Variants in FBXL17 observed in about 807,000 individuals in gnomAD.
FBXL17 encodes the protein F-box and leucine rich repeat protein 17.
In FBXL17, 22 loss-of-function variants were observed where a neutral mutation model predicts 66.2. The ratio of observed to expected loss-of-function variants is 0.33; its 90% CI spans 0.24 to 0.47. The LOEUF is 0.47. Among genes scored for constraint, FBXL17 ranks in the 20% least tolerant of loss-of-function variants. The probability of loss-of-function intolerance (pLI) is 1.00; values close to 1 mark genes in which losing one functional copy is unlikely to be tolerated. For synonymous variants in FBXL17, 474 were observed against 400.5 expected (o/e 1.18, Z -2.19); for missense variants, 878 against 948.2 (o/e 0.93, Z 0.97).
chr5:108,122,881 C>T (rs1193313332), intron 6 of FBXL17, among the ~76,000 whole-genome samples: 2 of 151,988 alleles, frequency 1.3e-5, no homozygotes, highest in African/African-American at 4.8e-5. Context: ...TCGCAGTCAC[C>T]TCTGATTACT....
intron 7 of FBXL17, among the ~76,000 whole-genome samples, chr5:107,906,699 T>G (rs1749770578): frequency 6.6e-6 from 1 of 151,928 alleles, no homozygotes; most frequent in South Asian, 2.1e-4. Flanking sequence ...AACATTTGAG[T>G]GGGGAGGACA....
intron 4 of FBXL17, among the ~76,000 whole-genome samples, chr5:108,301,450 G>C (rs1190646444): frequency 6.6e-6 from 1 of 151,636 alleles, no homozygotes; most frequent in Non-Finnish European, 1.5e-5. Context: ...TATACTGCAA[G>C]ATTCTTACAT....
intron 6 of FBXL17, among the ~76,000 whole-genome samples, chr5:108,068,082 C>A (rs1209153691): frequency 6.6e-6 from 1 of 152,164 alleles, no homozygotes; most frequent in Non-Finnish European, 1.5e-5. Context: ...TTCATATTCA[C>A]TCATACTTTC....
chr5:108,329,295 C>G (rs192245716), intron 4 of FBXL17, among the ~76,000 whole-genome samples: 3 of 152,014 alleles, frequency 2.0e-5, no homozygotes, highest in Non-Finnish European at 2.9e-5. Context: ...AGATGGACTA[C>G]CATTTGTTTC....
chr5:108,280,287 A>C (rs1472494661), intron 4 of FBXL17, among the ~76,000 whole-genome samples: 1 of 152,194 alleles, frequency 6.6e-6, no homozygotes, highest in Admixed American at 6.5e-5. Context: ...TCTCAGCAGA[A>C]ACCTTACAGA....
At chr5:108,069,775 C>G (rs289227) in intron 6 of FBXL17, among the ~76,000 whole-genome samples, 26,367 of 152,132 alleles carry the variant, frequency 0.17, 2,591 homozygotes, top group South Asian at 0.44. Context: ...CTGACAACTC[C>G]TTACATATAT....
intron 7 of FBXL17, among the ~76,000 whole-genome samples, chr5:107,956,609 C>T (rs1374032979): frequency 6.6e-6 from 1 of 152,060 alleles, no homozygotes; most frequent in Non-Finnish European, 1.5e-5. Flanking sequence ...AGAAAATTTA[C>T]GTTAAGAGTC....
At chr5:107,977,342 T>G (rs1752619222) in intron 7 of FBXL17, among the ~76,000 whole-genome samples, 1 of 152,240 alleles carries the variant, frequency 6.6e-6, no homozygotes, top group Admixed American at 6.5e-5. Flanking sequence ...CACACGTAAT[T>G]TAATGAGTGC....
chr5:108,036,044 A>G (rs1746828765), intron 6 of FBXL17, among the ~76,000 whole-genome samples: 1 of 152,188 alleles, frequency 6.6e-6, no homozygotes, highest in Non-Finnish European at 1.5e-5. Context: ...TATACCTAAC[A>G]ATAATCCAGG....
intron 1 of FBXL17, among the ~76,000 whole-genome samples, chr5:108,369,643 C>A (rs1435091954): frequency 6.6e-6 from 1 of 151,176 alleles, no homozygotes; most frequent in Non-Finnish European, 1.5e-5. Context: ...AAAATAAAAT[C>A]TATTCTAAAA....
intron 7 of FBXL17, among the ~76,000 whole-genome samples, chr5:108,013,807 C>G (rs189241869): frequency 6.6e-6 from 1 of 152,218 alleles, no homozygotes; most frequent in Admixed American, 6.5e-5. Flanking sequence ...CTTTCCACAT[C>G]CTCCCTCAGA....
chr5:108,371,870 T>C (rs990454733), intron 1 of FBXL17, among the ~76,000 whole-genome samples: 12 of 152,194 alleles, frequency 7.9e-5, no homozygotes, highest in African/African-American at 2.9e-4. Context: ...TATTGGTTCC[T>C]AGGTTATTTC....
intron 3 of FBXL17, among the ~76,000 whole-genome samples, chr5:108,362,929 C>A (rs1013030473): frequency 6.6e-6 from 1 of 151,856 alleles, no homozygotes; most frequent in African/African-American, 2.4e-5. Flanking sequence ...AAAACAGAAC[C>A]CTGCAACAAC....
chr5:108,100,465 T>C (rs1211756992), intron 6 of FBXL17, among the ~76,000 whole-genome samples: 1 of 152,160 alleles, frequency 6.6e-6, no homozygotes, highest in Non-Finnish European at 1.5e-5. Context: ...ATCCCAAAAA[T>C]TATGTTGTTA....
chr5:108,172,612 C>T (rs1752648861), intron 6 of FBXL17, among the ~76,000 whole-genome samples: 1 of 152,166 alleles, frequency 6.6e-6, no homozygotes, highest in Non-Finnish European at 1.5e-5. Flanking sequence ...AGTAATATTA[C>T]TCTGCTGCTT....
At chr5:108,297,699 A>T (rs920552846) in intron 4 of FBXL17, 4 of 327,184 alleles carry the variant, frequency 1.2e-5, no homozygotes, top group Admixed American at 1.3e-4. Flanking sequence ...CAAAATTAGC[A>T]TTCAGTACTA....
intron 6 of FBXL17, among the ~76,000 whole-genome samples, chr5:108,181,384 A>T (rs914289094): frequency 2.0e-5 from 3 of 152,188 alleles, no homozygotes; most frequent in African/African-American, 7.2e-5. Flanking sequence ...TGACTACTAG[A>T]TCATCCTTCT....
At chr5:108,031,513 T>C (rs1746641523) in intron 6 of FBXL17, among the ~76,000 whole-genome samples, 1 of 150,714 alleles carries the variant, frequency 6.6e-6, no homozygotes, top group Non-Finnish European at 1.5e-5. Context: ...AAAAATCAGA[T>C]GTTCAAAAGA....
chr5:107,899,039 A>T (rs530881217), intron 7 of FBXL17, among the ~76,000 whole-genome samples: 1 of 152,330 alleles, frequency 6.6e-6, no homozygotes, highest in African/African-American at 2.4e-5. Flanking sequence ...AGGAATTGCC[A>T]TACTGACTTC....
Sources: gnomAD v4.1 joint callset for allele counts (sites outside exome capture counted in the v4.1 genomes callset) on GRCh38, gnomAD v4.1.1 for gene constraint, MANE v1.5 for transcripts, NCBI Gene and HGNC (gene_info 2026-07-23, HGNC 2026-07-21) for gene names.